ANO2: variants seen among roughly 807,000 people sequenced by gnomAD.
ANO2 encodes the protein anoctamin 2.
Under a neutral mutation model 124.2 loss-of-function variants are expected in ANO2, and 101 were observed. The observed-to-expected ratio is 0.81, with a 90% confidence interval of 0.69 to 0.96. The LOEUF (loss-of-function observed/expected upper bound fraction) is 0.96, where lower values mean the gene tolerates loss of function less well. Ranked by LOEUF, ANO2 falls within the 40% of genes least tolerant of loss-of-function variation. The pLI, the probability that ANO2 is intolerant of heterozygous loss-of-function variation, is 0.00. For missense variants in ANO2, 1,293 were observed against 1,274.5 expected (o/e 1.01, Z -0.22); for synonymous variants, 486 against 482.5 (o/e 1.01, Z -0.09).
At chr12:5,859,413 C>G (rs1158953982) in intron 3 of ANO2, among the ~76,000 whole-genome samples, 5 of 152,208 alleles carry the variant, frequency 3.3e-5, no homozygotes, top group African/African-American at 7.2e-5. Flanking sequence ...TAAAGCCCTA[C>G]AAACCCTACT....
chr12:5,671,862 A>G (rs1418715565), intron 14 of ANO2, among the ~76,000 whole-genome samples: 1 of 152,104 alleles, frequency 6.6e-6, no homozygotes, highest in Non-Finnish European at 1.5e-5. Flanking sequence ...TTCCCTTCCC[A>G]TGTGTTAACT....
chr12:5,659,178 G>A (rs1376214201), intron 14 of ANO2, among the ~76,000 whole-genome samples: 1 of 152,060 alleles, frequency 6.6e-6, no homozygotes, highest in Non-Finnish European at 1.5e-5. Flanking sequence ...AGCAGCAGAG[G>A]TTCCCCCACC....
chr12:5,830,029 G>A (rs1438003430), intron 6 of ANO2, among the ~76,000 whole-genome samples: 1 of 152,112 alleles, frequency 6.6e-6, no homozygotes, highest in Non-Finnish European at 1.5e-5. Flanking sequence ...CAATCAGAAG[G>A]ACTAGTTCTA....
intron 4 of ANO2, among the ~76,000 whole-genome samples, chr12:5,849,010 G>A (rs115572211): frequency 0.038 from 5,780 of 152,292 alleles, 124 homozygotes; most frequent in South Asian, 0.047. Flanking sequence ...CCGTTTTGGA[G>A]ATGCATGGAG....
chr12:5,648,464 TC>T (rs1325692531), intron 14 of ANO2, among the ~76,000 whole-genome samples: 1 of 152,086 alleles, frequency 6.6e-6, no homozygotes, highest in African/African-American at 2.4e-5. Flanking sequence ...CCTACCCTTT[TC>T]CCCTCGGACT....
intron 14 of ANO2, 78 bp downstream of exon 14, chr12:5,732,442 A>G: frequency 7.9e-7 from 1 of 1,267,474 alleles, no homozygotes; most frequent in Admixed American, 2.1e-5. Context: ...GTCTCCCTTC[A>G]CTAAGGCGTG....
chr12:5,742,680 C>G (rs1460881206), intron 12 of ANO2, among the ~76,000 whole-genome samples: 1 of 152,202 alleles, frequency 6.6e-6, no homozygotes. Flanking sequence ...GCTTCAGCAA[C>G]TCAATGGTGG....
At chr12:5,698,095 G>C (rs934810997) in intron 14 of ANO2, among the ~76,000 whole-genome samples, 1 of 152,248 alleles carries the variant, frequency 6.6e-6, no homozygotes. Context: ...TTTGAAGAGA[G>C]TAGTGGTTCT....
chr12:5,856,741 C>A (rs182290066), intron 3 of ANO2: 1 of 152,262 alleles, frequency 6.6e-6, no homozygotes, highest in African/African-American at 2.4e-5. Flanking sequence ...GTCATAGCAG[C>A]CCTGGGATGC....
chr12:5,753,279 T>C (rs1246924055), intron 10 of ANO2, among the ~76,000 whole-genome samples: 1 of 152,156 alleles, frequency 6.6e-6, no homozygotes, highest in African/African-American at 2.4e-5. Flanking sequence ...GGGTATGGTA[T>C]GGTCATCCAC....
intron 14 of ANO2, among the ~76,000 whole-genome samples, chr12:5,674,268 T>A (rs1948135018): frequency 6.6e-6 from 1 of 152,190 alleles, no homozygotes. Context: ...AATAAAATTG[T>A]CATGGGATGG....
chr12:5,877,004 C>G (rs1565742268), intron 3 of ANO2, among the ~76,000 whole-genome samples: 1 of 152,278 alleles, frequency 6.6e-6, no homozygotes, highest in South Asian at 2.1e-4. Context: ...AATAAACATT[C>G]TTTCATCAAT....
intron 1 of ANO2, among the ~76,000 whole-genome samples, chr12:5,937,817 T>C (rs1389886787): frequency 6.6e-6 from 1 of 152,160 alleles, no homozygotes; most frequent in East Asian, 1.9e-4. Flanking sequence ...TATTGATCTT[T>C]CTAGGCTTGG....
At chr12:5,732,827 A>C in intron 13 of ANO2, 197 bp from the exon 14 acceptor site, 2 of 1,613,332 alleles carry the variant, frequency 1.2e-6, no homozygotes, top group East Asian at 4.5e-5. Flanking sequence ...GGAAGAGACA[A>C]GGGACACACA....
intron 10 of ANO2, among the ~76,000 whole-genome samples, chr12:5,779,694 C>T (rs749113045): frequency 6.6e-5 from 10 of 152,204 alleles, no homozygotes; most frequent in Non-Finnish European, 1.2e-4. Flanking sequence ...AGCAACGGCA[C>T]GCACCTCCTC....
chr12:5,777,718 G>A (rs1423654623), intron 10 of ANO2, among the ~76,000 whole-genome samples: 2 of 152,070 alleles, frequency 1.3e-5, no homozygotes, highest in African/African-American at 4.8e-5. Flanking sequence ...GCATAGTATG[G>A]TTTTCAGAGA....
chr12:5,688,730 C>T (rs772808291), intron 14 of ANO2, among the ~76,000 whole-genome samples: 6 of 152,054 alleles, frequency 3.9e-5, no homozygotes, highest in Non-Finnish European at 4.4e-5. Context: ...TCCAGTTCAT[C>T]CAAGTCTAGG....
intron 10 of ANO2, among the ~76,000 whole-genome samples, chr12:5,766,190 C>T (rs1255240973): frequency 3.3e-5 from 5 of 152,300 alleles, no homozygotes; most frequent in African/African-American, 1.2e-4. Flanking sequence ...GACCCAGCAA[C>T]TCTACTCCCA....
At position 5,866,278 on chromosome 12, in the gene ANO2, G is replaced by A. The variant is rs181967912; in HGVS notation, c.535-12137C>T. Among the ~76,000 whole-genome samples the A allele has an allele frequency of 6.6e-3, 1,002 of 152,286 alleles. 7 individuals are homozygous for A. The highest frequency in any genetic ancestry group is 0.012 in the Non-Finnish European group (787 of 68,030). ...AAGGGAAGTCCTGGGTCAGCAAGGG[G>A]GATCAGTGAGAAAATAAAAGATGAA... On this transcript the variant is annotated intron_variant, in intron 3 of 24. Coordinates refer to ENST00000682330, the MANE Select transcript of ANO2 (RefSeq NM_001364791.2).
Sources: allele counts gnomAD v4.1 joint callset (sites outside exome capture counted in the v4.1 genomes callset), GRCh38; gene constraint gnomAD v4.1.1; transcripts MANE v1.5; gene names NCBI Gene and HGNC (gene_info 2026-07-23, HGNC 2026-07-21).